GPR158: variants seen among roughly 807,000 people sequenced by gnomAD.
GPR158 encodes the protein metabotropic glycine receptor.
A neutral mutation model predicts 78.2 loss-of-function variants in GPR158; 30 were observed. The ratio of observed to expected loss-of-function variants is 0.38; its 90% CI spans 0.29 to 0.52. The LOEUF (loss-of-function observed/expected upper bound fraction) is 0.52. GPR158 is among the 20% of genes least tolerant of loss of function. The pLI, the probability that GPR158 is intolerant of heterozygous loss-of-function variation, is 0.83. For synonymous variants in GPR158, 581 were observed against 591.1 expected, an observed-to-expected ratio of 0.98 and a Z score of 0.25; for missense variants, 1,463 against 1,523.5, an observed-to-expected ratio of 0.96 and a Z score of 0.66.
At chr10:25,529,696 G>A (rs957019985) in intron 5 of GPR158, among the ~76,000 whole-genome samples, 2 of 152,186 alleles carry the variant, frequency 1.3e-5, no homozygotes, top group African/African-American at 2.4e-5. Context: ...TGTGAAGATT[G>A]AGATGGGGTT....
chr10:25,433,690 CTTTCTTT>C, intron 4 of GPR158, among the ~76,000 whole-genome samples: 1 of 93,262 alleles, frequency 1.1e-5, no homozygotes, highest in Non-Finnish European at 2.3e-5. Flanking sequence ...TTCTTTCTTT[CTTTCTTT>C]TTTTTTTTTT....
intron 3 of GPR158, among the ~76,000 whole-genome samples, chr10:25,409,351 A>G (rs1834556782): frequency 6.6e-6 from 1 of 152,134 alleles, no homozygotes; most frequent in Non-Finnish European, 1.5e-5. Context: ...ATACTGTCGT[A>G]CTCTAACTGG....
chr10:25,210,358 G>A (rs1853110794), intron 1 of GPR158, among the ~76,000 whole-genome samples: 1 of 152,142 alleles, frequency 6.6e-6, no homozygotes, highest in African/African-American at 2.4e-5. Flanking sequence ...TTGTGAATGA[G>A]TGAGGATTTC....
At chr10:25,337,708 T>C (rs911983849) in intron 2 of GPR158, among the ~76,000 whole-genome samples, 3 of 148,588 alleles carry the variant, frequency 2.0e-5, no homozygotes, top group African/African-American at 7.8e-5. Context: ...TTAGTAGATA[T>C]TGTCAGAATT....
At chr10:25,348,821 C>T (rs1366420481) in intron 2 of GPR158, among the ~76,000 whole-genome samples, 2 of 152,016 alleles carry the variant, frequency 1.3e-5, no homozygotes, top group East Asian at 3.9e-4. Flanking sequence ...TAACAGCCCT[C>T]TTCAGGCCAC....
intron 2 of GPR158, among the ~76,000 whole-genome samples, chr10:25,320,940 G>GT (rs1232440735): frequency 6.6e-6 from 1 of 152,156 alleles, no homozygotes. Context: ...ATTTGCATGT[G>GT]TAATTTATGC....
At chr10:25,400,694 C>A (rs769148797) in intron 3 of GPR158, among the ~76,000 whole-genome samples, 1 of 152,198 alleles carries the variant, frequency 6.6e-6, no homozygotes, top group Non-Finnish European at 1.5e-5. Flanking sequence ...TCATCTTCCT[C>A]ACGTTCATCT....
At chr10:25,183,812 G>A (rs967220906) in intron 1 of GPR158, among the ~76,000 whole-genome samples, 1 of 152,166 alleles carries the variant, frequency 6.6e-6, no homozygotes, top group Admixed American at 6.6e-5. Context: ...TGTATGCCTT[G>A]TTACATTATC....
intron 2 of GPR158, among the ~76,000 whole-genome samples, chr10:25,325,954 T>G (rs139904703): frequency 6.6e-6 from 1 of 152,104 alleles, no homozygotes; most frequent in Admixed American, 6.5e-5. Flanking sequence ...CATTTTCTTT[T>G]CTTCAACTTT....
intron 5 of GPR158, among the ~76,000 whole-genome samples, chr10:25,505,725 T>C (rs1487116906): frequency 6.6e-6 from 1 of 152,176 alleles, no homozygotes; most frequent in Non-Finnish European, 1.5e-5. Flanking sequence ...CTGATAGTGC[T>C]TGTGCTTCTT....
At chr10:25,548,181 A>T (rs1386326876) in intron 5 of GPR158, among the ~76,000 whole-genome samples, 1 of 152,194 alleles carries the variant, frequency 6.6e-6, no homozygotes. Flanking sequence ...ATAAACTTTT[A>T]GTTTGTAAGC....
chr10:25,464,122 C>T (rs535166790), intron 4 of GPR158, among the ~76,000 whole-genome samples: 141 of 152,288 alleles, frequency 9.3e-4, no homozygotes, highest in African/African-American at 3.3e-3. Flanking sequence ...CTCTGCTTAG[C>T]CAGGAGCAAG....
intron 4 of GPR158, among the ~76,000 whole-genome samples, chr10:25,453,429 G>A (rs1835248850): frequency 6.6e-6 from 1 of 152,066 alleles, no homozygotes; most frequent in South Asian, 2.1e-4. Context: ...TAACAGGTGT[G>A]AGGTGACATC....
In GPR158 at chr10:25,444,311, G is replaced by A. The variant is rs140822918; in HGVS notation, c.1336-22340G>A. On this transcript the variant is annotated intron_variant, in intron 4 of 10. Transcript: ENST00000376351. ...TGGGGGTGAGGGTATGTGCATGACT[G>A]TATGTGTGGGTGTGGTGTGTGTTGG... 4.5e-3 allele frequency among the ~76,000 whole-genome samples: 678 copies of A among 151,910 alleles called. 5 individuals carry two copies. The highest frequency in any genetic ancestry group is 0.016 in the African/African-American group (656 of 41,402).
At chr10:25,494,637 G>A (rs1267148017) in intron 5 of GPR158, among the ~76,000 whole-genome samples, 1 of 151,952 alleles carries the variant, frequency 6.6e-6, no homozygotes, top group Non-Finnish European at 1.5e-5. Context: ...TTATTTAAGT[G>A]TGCTCAGACT....
intron 3 of GPR158, among the ~76,000 whole-genome samples, chr10:25,404,450 G>A (rs552415154): frequency 1.3e-5 from 2 of 152,140 alleles, no homozygotes; most frequent in South Asian, 2.1e-4. Flanking sequence ...TTTTATACAT[G>A]AATATTGAAA....
At chr10:25,391,861 G>T (rs542092634) in intron 2 of GPR158, among the ~76,000 whole-genome samples, 14 of 152,262 alleles carry the variant, frequency 9.2e-5, no homozygotes, top group African/African-American at 3.4e-4. Flanking sequence ...ATCTTGAATT[G>T]TTCCTATCCT....
At chr10:25,442,922 A>G (rs1835087747) in intron 4 of GPR158, among the ~76,000 whole-genome samples, 2 of 152,044 alleles carry the variant, frequency 1.3e-5, no homozygotes, top group African/African-American at 4.8e-5. Context: ...CTAAATTCAG[A>G]TTTTATCATT....
At chr10:25,205,522 T>C (rs1014395852) in intron 1 of GPR158, among the ~76,000 whole-genome samples, 1 of 152,136 alleles carries the variant, frequency 6.6e-6, no homozygotes, top group Non-Finnish European at 1.5e-5. Flanking sequence ...GTTCGGCTGT[T>C]AATTTGAGAT....
Sources: gnomAD v4.1 joint callset for allele counts (sites outside exome capture counted in the v4.1 genomes callset) on GRCh38, gnomAD v4.1.1 for gene constraint, MANE v1.5 for transcripts, NCBI Gene and HGNC (gene_info 2026-07-23, HGNC 2026-07-21) for gene names.